Variants in SYT1 observed in about 807,000 individuals in gnomAD.
The protein encoded by SYT1 is synaptotagmin-1.
In SYT1, 8 loss-of-function variants were observed where a neutral mutation model predicts 44.8. The ratio of observed to expected loss-of-function variants is 0.18; its 90% confidence interval spans 0.10 to 0.32. SYT1 has a LOEUF of 0.32. SYT1 is among the 10% of genes least tolerant of loss of function. The probability of loss-of-function intolerance (pLI) is 1.00; values close to 1 mark genes in which losing one functional copy is unlikely to be tolerated. For missense variants in SYT1, 286 were observed against 509.3 expected, an observed-to-expected ratio of 0.56 and a Z score of 4.22; for synonymous variants, 154 against 188.8, an observed-to-expected ratio of 0.82 and a Z score of 1.51.
Position 79,385,750 on chromosome 12 carries a change from T to G in SYT1, c.928+32131T>G, listed in dbSNP as rs573253357. 3.6e-4 allele frequency among the ~76,000 whole-genome samples: 50 copies of G among 138,108 alleles called. 1 individual carries two copies. In the South Asian group the frequency reaches 7.5e-3, roughly 21 times the overall value. 90.6% of individuals were successfully genotyped at this position (138,108 alleles called of 152,430 possible). Reference sequence around the variant, plus strand: ...CATTGTTGTTGTTGTTGTTGTTGTTTTTTAATTCAGGAAAATGTGTTGTAT... The same window carrying G: ...CATTGTTGTTGTTGTTGTTGTTGTTGTTTAATTCAGGAAAATGTGTTGTAT... On this transcript the variant is annotated intron_variant, in intron 9 of 10. Transcript: ENST00000261205.
chr12:79,064,784 T>A (rs1255093132), intron 3 of SYT1, among the ~76,000 whole-genome samples: 1 of 151,136 alleles, frequency 6.6e-6, no homozygotes, highest in Non-Finnish European at 1.5e-5. Context: ...AACAACTAAC[T>A]ATTCTGCACC....
At chr12:79,103,371 A>G (rs1326294309) in intron 3 of SYT1, among the ~76,000 whole-genome samples, 5 of 152,118 alleles carry the variant, frequency 3.3e-5, no homozygotes, top group Non-Finnish European at 5.9e-5. Flanking sequence ...ATAGTGAACC[A>G]GTAAAATTCC....
intron 3 of SYT1, among the ~76,000 whole-genome samples, chr12:79,061,537 G>C (rs182743735): frequency 1.2e-3 from 189 of 152,218 alleles, no homozygotes; most frequent in African/African-American, 4.4e-3. Context: ...GTTGTGAATG[G>C]TGCTGGGCCA....
chr12:79,026,236 T>C (rs1282458794), intron 2 of SYT1, among the ~76,000 whole-genome samples: 1 of 151,652 alleles, frequency 6.6e-6, no homozygotes, highest in African/African-American at 2.4e-5. Flanking sequence ...ATTAACTTGT[T>C]GGGCATAGAA....
At chr12:78,865,549 T>C (rs1169817031) in intron 1 of SYT1, among the ~76,000 whole-genome samples, 1 of 111,612 alleles carries the variant, frequency 9.0e-6, no homozygotes, top group Admixed American at 1.1e-4. Context: ...TTTCTTTCTG[T>C]TGGGGAGAGG....
intron 3 of SYT1, among the ~76,000 whole-genome samples, chr12:79,188,987 G>A (rs1306255505): frequency 6.6e-6 from 1 of 151,800 alleles, no homozygotes; most frequent in African/African-American, 2.4e-5. Flanking sequence ...CTCAAGCTCT[G>A]AAAGTAGCTC....
chr12:79,151,610 GACCAGGT>G lies in SYT1; in HGVS notation c.-17-65890_-17-65884del, dbSNP rs1433642486. Reference sequence around the variant, plus strand: ...ACAGCAACAAGACTAGTGGGAAGTTGACCAGGTACAGCCAATATTGCAGTCGAGTTGA... The same window carrying G: ...ACAGCAACAAGACTAGTGGGAAGTTGACAGCCAATATTGCAGTCGAGTTGA... On this transcript the variant is annotated intron_variant, in intron 3 of 10. Coordinates refer to ENST00000261205, the MANE Select transcript of SYT1 (RefSeq NM_005639.3). 2.0e-5 allele frequency among the ~76,000 whole-genome samples: 3 copies of G among 152,132 alleles called. No homozygotes were observed. In the East Asian group the frequency reaches 5.8e-4, roughly 29 times the overall value.
intron 3 of SYT1, among the ~76,000 whole-genome samples, chr12:79,208,316 T>G (rs1037813527): frequency 6.6e-6 from 1 of 152,082 alleles, no homozygotes; most frequent in Non-Finnish European, 1.5e-5. Flanking sequence ...GCTTTAATGG[T>G]GTGAATTGAT....
At chr12:79,391,878 G>C (rs984175892) in intron 9 of SYT1, among the ~76,000 whole-genome samples, 7 of 152,176 alleles carry the variant, frequency 4.6e-5, no homozygotes, top group African/African-American at 1.4e-4. Context: ...TAGAATACTG[G>C]ATGTCACAAC....
intron 5 of SYT1, among the ~76,000 whole-genome samples, chr12:79,287,678 C>T (rs917117500): frequency 6.6e-6 from 1 of 152,050 alleles, no homozygotes; most frequent in Admixed American, 6.6e-5. Context: ...CTTCCTAGGA[C>T]AATAAATCTA....
chr12:79,405,808 G>A (rs937004999), intron 9 of SYT1, among the ~76,000 whole-genome samples: 4 of 152,014 alleles, frequency 2.6e-5, no homozygotes, highest in African/African-American at 2.4e-5. Context: ...GTTGGCCTCT[G>A]TTTCCATGAT....
intron 9 of SYT1, among the ~76,000 whole-genome samples, chr12:79,356,990 C>A (rs2136015461): frequency 6.6e-6 from 1 of 152,240 alleles, no homozygotes; most frequent in South Asian, 2.1e-4. Flanking sequence ...ATGGAATTAG[C>A]TGATTAATTC....
chr12:79,049,950 G>A (rs1487561203), intron 3 of SYT1, among the ~76,000 whole-genome samples: 1 of 151,922 alleles, frequency 6.6e-6, no homozygotes, highest in Non-Finnish European at 1.5e-5. Flanking sequence ...AATATAAGAT[G>A]CTTTCTTATA....
At chr12:79,328,257 A>C (rs1053667791) in intron 8 of SYT1, among the ~76,000 whole-genome samples, 1 of 152,246 alleles carries the variant, frequency 6.6e-6, no homozygotes, top group Non-Finnish European at 1.5e-5. Flanking sequence ...AGCTATTGAA[A>C]ATAATTTCAA....
At chr12:78,985,739 T>C (rs1246696742) in intron 2 of SYT1, among the ~76,000 whole-genome samples, 2 of 152,000 alleles carry the variant, frequency 1.3e-5, no homozygotes, top group Non-Finnish European at 2.9e-5. Flanking sequence ...GTGTCTAGAA[T>C]AGGACTTTAT....
chr12:78,968,442 G>T (rs1158807143), intron 1 of SYT1, among the ~76,000 whole-genome samples: 1 of 151,936 alleles, frequency 6.6e-6, no homozygotes, highest in African/African-American at 2.4e-5. Flanking sequence ...TATTTTATGA[G>T]CAATGCCCAA....
chr12:79,382,025 G>T (rs1447593935), intron 9 of SYT1, among the ~76,000 whole-genome samples: 2 of 152,110 alleles, frequency 1.3e-5, no homozygotes, highest in African/African-American at 4.8e-5. Flanking sequence ...ATGAGACCAC[G>T]GGGGAGGAAG....
chr12:79,027,024 C>T (rs1872581188), intron 2 of SYT1, among the ~76,000 whole-genome samples: 1 of 151,454 alleles, frequency 6.6e-6, no homozygotes, highest in Non-Finnish European at 1.5e-5. Context: ...AATAGAACTA[C>T]CACACAATCC....
chr12:79,263,586 G>A (rs61428892), intron 4 of SYT1, among the ~76,000 whole-genome samples: 1 of 152,004 alleles, frequency 6.6e-6, no homozygotes, highest in African/African-American at 2.4e-5. Context: ...TCCAGGAAAT[G>A]GCTGGATTTA....
Sources: gnomAD v4.1 joint callset for allele counts (sites outside exome capture counted in the v4.1 genomes callset) on GRCh38, gnomAD v4.1.1 for gene constraint, MANE v1.5 for transcripts, NCBI Gene and HGNC (gene_info 2026-07-23, HGNC 2026-07-21) for gene names.